Variants in ABTB3 observed in about 807,000 individuals in gnomAD.
ABTB3 encodes the protein ankyrin repeat- and BTB/POZ domain-containing protein 3.
At chr12:107,510,264 G>A in the ABTB3 span, among the ~76,000 whole-genome samples, 27,470 of 152,018 alleles carry the variant, frequency 0.18, 3,131 homozygotes, top group East Asian at 0.29. Flanking sequence ...ACCAAGTCTA[G>A]CTTGTCAGGC....
At chr12:107,585,732 G>A in the ABTB3 span, among the ~76,000 whole-genome samples, 2 of 152,192 alleles carry the variant, frequency 1.3e-5, no homozygotes, top group Non-Finnish European at 2.9e-5. Context: ...GGCCTCAACA[G>A]CACTTTTCCT....
chr12:107,570,346 C>T, the ABTB3 span, among the ~76,000 whole-genome samples: 3 of 152,164 alleles, frequency 2.0e-5, no homozygotes, highest in South Asian at 4.2e-4. Flanking sequence ...TCCCGAGTAC[C>T]GGGACTGCAG....
At chr12:107,469,866 T>TTTTTTCTTTCTTTCTTTC in the ABTB3 span, among the ~76,000 whole-genome samples, 1 of 75,502 alleles carries the variant, frequency 1.3e-5, no homozygotes, top group Non-Finnish European at 2.8e-5. Context: ...TCTTTCTTTC[T>TTTTTTCTTTCTTTCTTTC]TTTCTTTCTT....
the ABTB3 span, chr12:107,581,282 G>A: frequency 6.8e-7 from 1 of 1,465,762 alleles, no homozygotes. Context: ...GCCCGGCGTG[G>A]ACTGCGAGCC....
At chr12:107,482,155 T>C in the ABTB3 span, among the ~76,000 whole-genome samples, 1 of 152,086 alleles carries the variant, frequency 6.6e-6, no homozygotes, top group Non-Finnish European at 1.5e-5. Flanking sequence ...AGACACTGGA[T>C]GGGCCAAAAT....
the ABTB3 span, among the ~76,000 whole-genome samples, chr12:107,399,515 C>T: frequency 4.6e-5 from 7 of 152,082 alleles, no homozygotes; most frequent in Non-Finnish European, 1.0e-4. Flanking sequence ...GCAGAAGAGT[C>T]CAGGCACCCA....
chr12:107,520,506 C>T, the ABTB3 span: 1,134 of 1,614,154 alleles, frequency 7.0e-4, no homozygotes, highest in Non-Finnish European at 9.0e-4. Flanking sequence ...GCCTACCAGA[C>T]AGCCTGAATC....
chr12:107,376,559 G>A, the ABTB3 span, among the ~76,000 whole-genome samples: 11 of 152,166 alleles, frequency 7.2e-5, no homozygotes, highest in East Asian at 9.7e-4. Flanking sequence ...ACCTTCCAGC[G>A]GAACAGATTC....
At chr12:107,522,099 G>A in the ABTB3 span, among the ~76,000 whole-genome samples, 14 of 151,886 alleles carry the variant, frequency 9.2e-5, no homozygotes, top group South Asian at 2.1e-4. Context: ...CTGTGTTCTC[G>A]CAGGGTGGTG....
chr12:107,622,450 A>T, the ABTB3 span, among the ~76,000 whole-genome samples: 2 of 151,884 alleles, frequency 1.3e-5, no homozygotes, highest in African/African-American at 2.4e-5. Flanking sequence ...GCACTTTAGG[A>T]TTCCTGTTCA....
chr12:107,341,168 G>C, the ABTB3 span, among the ~76,000 whole-genome samples: 1 of 152,332 alleles, frequency 6.6e-6, no homozygotes, highest in East Asian at 1.9e-4. Flanking sequence ...GCCACACCAA[G>C]CTGCAGGTGC....
the ABTB3 span, among the ~76,000 whole-genome samples, chr12:107,421,368 A>G: frequency 6.6e-6 from 1 of 152,174 alleles, no homozygotes; most frequent in Admixed American, 6.5e-5. Flanking sequence ...CTCTGCTGGG[A>G]CCTTCCACAG....
the ABTB3 span, chr12:107,640,409 C>G: frequency 6.4e-7 from 1 of 1,564,340 alleles, no homozygotes; most frequent in Non-Finnish European, 8.7e-7. Context: ...TACAGCCTCT[C>G]CAAGGTACGT....
At chr12:107,364,537 C>T in the ABTB3 span, among the ~76,000 whole-genome samples, 121 of 152,168 alleles carry the variant, frequency 8.0e-4, no homozygotes, top group African/African-American at 2.7e-3. Flanking sequence ...GTGATCCGCC[C>T]GCTTCAGCCT....
the ABTB3 span, among the ~76,000 whole-genome samples, chr12:107,371,132 T>A: frequency 5.3e-5 from 8 of 152,100 alleles, no homozygotes; most frequent in African/African-American, 1.9e-4. Context: ...CCTCTCTGGA[T>A]CCTGGGACCT....
chr12:107,568,241 T>C, the ABTB3 span, among the ~76,000 whole-genome samples: 1 of 152,238 alleles, frequency 6.6e-6, no homozygotes, highest in Admixed American at 6.5e-5. Context: ...CTCATCATTG[T>C]AAGATAGGAA....
At chr12:107,452,457 C>T in the ABTB3 span, among the ~76,000 whole-genome samples, 496 of 152,102 alleles carry the variant, frequency 3.3e-3, 3 homozygotes, top group African/African-American at 0.011. Context: ...CCGCCTGCCT[C>T]GGCCTCCCAA....
chr12:107,546,487 G>A, the ABTB3 span, among the ~76,000 whole-genome samples: 22 of 152,280 alleles, frequency 1.4e-4, no homozygotes, highest in Non-Finnish European at 2.5e-4. Context: ...AGGCTGCATC[G>A]TGAGATTTCT....
At chr12:107,621,572 T>C in the ABTB3 span, among the ~76,000 whole-genome samples, 3 of 152,248 alleles carry the variant, frequency 2.0e-5, no homozygotes, top group African/African-American at 7.2e-5. Flanking sequence ...GTTCTTAAAG[T>C]AAACTTTACT....
Sources: gnomAD v4.1 joint callset for allele counts (sites outside exome capture counted in the v4.1 genomes callset) on GRCh38, gnomAD v4.1.1 for gene constraint, MANE v1.5 for transcripts, NCBI Gene and HGNC (gene_info 2026-07-23, HGNC 2026-07-21) for gene names.